CLASP2: variants seen among roughly 807,000 people sequenced by gnomAD.
CLASP2 encodes the protein cytoplasmic linker associated protein 2.
In CLASP2, 47 loss-of-function variants were observed where a neutral mutation model predicts 194.4. That is an observed-to-expected ratio of 0.24 (90% CI 0.19 to 0.31). CLASP2 has a LOEUF of 0.31. CLASP2 is among the 10% of genes least tolerant of loss of function. The pLI is 1.00. For synonymous variants in CLASP2, 619 were observed against 633.5 expected (o/e 0.98, Z 0.34); for missense variants, 1,445 against 1,823.6 (o/e 0.79, Z 3.78).
At chr3:33,555,197 T>A (rs1346276462) in intron 29 of CLASP2, among the ~76,000 whole-genome samples, 3 of 152,116 alleles carry the variant, frequency 2.0e-5, no homozygotes, top group Non-Finnish European at 4.4e-5. Context: ...ATATATAGAA[T>A]TTTTACTTGT....
intron 7 of CLASP2, 120 bp downstream of exon 7, chr3:33,663,325 C>A: frequency 1.9e-6 from 1 of 534,798 alleles, no homozygotes; most frequent in Non-Finnish European, 3.1e-6. Flanking sequence ...GTTATTATAT[C>A]TCAACTAAGT....
At chr3:33,638,207 GGGTGATGAGAGAGGCAA>G (rs2080542603) in intron 8 of CLASP2, among the ~76,000 whole-genome samples, 1 of 152,168 alleles carries the variant, frequency 6.6e-6, no homozygotes, top group Non-Finnish European at 1.5e-5. Flanking sequence ...TTACACCTCA[GGGTGATGAGAGAGGCAA>G]GATGTTATTA....
chr3:33,536,305 G>C (rs538755881), intron 33 of CLASP2, among the ~76,000 whole-genome samples: 4 of 151,736 alleles, frequency 2.6e-5, no homozygotes, highest in African/African-American at 9.7e-5. Context: ...CATGTTAGAA[G>C]AAGGAATCAT....
At chr3:33,634,003 C>A (rs1463213918) in intron 8 of CLASP2, among the ~76,000 whole-genome samples, 1 of 152,000 alleles carries the variant, frequency 6.6e-6, no homozygotes, top group Non-Finnish European at 1.5e-5. Flanking sequence ...TCAGGATGTG[C>A]AACATAACCC....
Position 33,544,716 on chromosome 3 carries a change from G to A in CLASP2, c.3279C>T (p.Asn1093=). The A allele has an allele frequency of 6.2e-7, 1 of 1,612,150 alleles. No individual in the cohort carries two copies. Among genetic ancestry groups the A allele is most frequent in the South Asian group, 1.1e-5 (1 of 90,576 alleles). ...CAATTACCTGGGTTCCATTGCCAGT[G>A]TTTCGAAGGTGATTATGAAGAAGCT... ...ATKLLHNHLR[N]TGNGTQSSMG... Residue 1093 remains asparagine (N), a synonymous_variant, in exon 31 of 39, where the codon AAC becomes AAT. Transcript: ENST00000682230.
At chr3:33,615,900 G>A (rs1376723403) in intron 12 of CLASP2, among the ~76,000 whole-genome samples, 1 of 151,686 alleles carries the variant, frequency 6.6e-6, no homozygotes, top group Non-Finnish European at 1.5e-5. Context: ...AATAAAACAT[G>A]GTAAATTTAA....
At chr3:33,616,605 A>C (rs554467996) in intron 12 of CLASP2, among the ~76,000 whole-genome samples, 1 of 152,258 alleles carries the variant, frequency 6.6e-6, no homozygotes, top group East Asian at 1.9e-4. Context: ...TGTGAACAGC[A>C]GGAAATTTCC....
chr3:33,639,953 T>C (rs1226230742), intron 8 of CLASP2, among the ~76,000 whole-genome samples: 1 of 152,228 alleles, frequency 6.6e-6, no homozygotes, highest in Non-Finnish European at 1.5e-5. Context: ...TGGTTACTAA[T>C]AACCATGTGA....
intron 6 of CLASP2, among the ~76,000 whole-genome samples, chr3:33,682,597 C>T (rs1388059324): frequency 3.3e-5 from 5 of 151,974 alleles, no homozygotes; most frequent in Non-Finnish European, 7.4e-5. Flanking sequence ...ATACAAATAT[C>T]CTTAATAAAA....
chr3:33,561,007 A>C, intron 27 of CLASP2, 36 bp from the exon 28 acceptor site: 1 of 1,581,364 alleles, frequency 6.3e-7, no homozygotes, highest in Non-Finnish European at 8.7e-7. Flanking sequence ...GGGAGAAAAA[A>C]AGAGGAAATA....
intron 34 of CLASP2, among the ~76,000 whole-genome samples, chr3:33,521,326 G>T (rs1268557064): frequency 6.6e-6 from 1 of 151,922 alleles, no homozygotes; most frequent in Non-Finnish European, 1.5e-5. Flanking sequence ...ATTACAAAAA[G>T]AAAAAGTAAT....
chr3:33,543,110 C>G (rs543058632), intron 32 of CLASP2, among the ~76,000 whole-genome samples: 2 of 152,158 alleles, frequency 1.3e-5, no homozygotes, highest in Non-Finnish European at 2.9e-5. Flanking sequence ...TGGTACCTCA[C>G]GCCTGTAATC....
intron 28 of CLASP2, among the ~76,000 whole-genome samples, chr3:33,559,817 C>T (rs2061518565): frequency 6.6e-6 from 1 of 152,154 alleles, no homozygotes; most frequent in Middle Eastern, 3.4e-3. Context: ...TCGCTTGAAC[C>T]CAGGAGGCAG....
intron 37 of CLASP2, among the ~76,000 whole-genome samples, chr3:33,507,020 C>T (rs1023729929): frequency 6.6e-6 from 1 of 150,690 alleles, no homozygotes; most frequent in Non-Finnish European, 1.5e-5. Flanking sequence ...CTCACTGCAA[C>T]CTCTGCCTCC....
chr3:33,612,210 A>G, intron 12 of CLASP2, 139 bp from the exon 13 acceptor site: 3 of 615,086 alleles, frequency 4.9e-6, no homozygotes, highest in Non-Finnish European at 8.5e-6. Context: ...AGAAATTAAG[A>G]CCAGTCTTGA....
At chr3:33,663,564 G>C (rs1391088390) in intron 6 of CLASP2, 49 bp from the exon 7 acceptor site, 2 of 1,282,142 alleles carry the variant, frequency 1.6e-6, no homozygotes, top group African/African-American at 1.5e-5. Flanking sequence ...AAAACATATA[G>C]ATTAAATAGA....
intron 20 of CLASP2, 109 bp from the exon 21 acceptor site, chr3:33,592,605 G>A (rs754657618): frequency 2.4e-6 from 2 of 845,986 alleles, no homozygotes; most frequent in South Asian, 1.5e-5. Context: ...CTGTAATAAT[G>A]TAATCATCAA....
rs1453110817 is a variant in CLASP2 at position 33,662,914 on chromosome 3, T to C, written c.715+531A>G. ...AATCAAATCAATACCAGATATTAAC[T>C]CCAGACCTCCCTGAATTCCAACTTG... On this transcript the variant is annotated intron_variant, in intron 7 of 38. Transcript: ENST00000682230. Among the ~76,000 whole-genome samples the C allele has an allele frequency of 2.0e-5, 3 of 151,984 alleles. No individual in the cohort carries two copies. The East Asian group carries it at 5.8e-4, about 29-fold the overall frequency.
rs768908918 is a variant in CLASP2, at chr3:33,696,871, T to G, written c.258A>C (p.Lys86Asn). 1 of 1,591,646 alleles carries G rather than the reference T, an allele frequency of 6.3e-7. No homozygotes were observed. The highest frequency in any genetic ancestry group is 8.6e-7 in the Non-Finnish European group (1 of 1,166,386). ...TTAACTTACCCATTGCTACATAGGATTTAAAGCGTGTTGATAATCTGTCCA... is the reference window on the plus strand; with the variant it reads ...TTAACTTACCCATTGCTACATAGGAGTTAAAGCGTGTTGATAATCTGTCCA... ...AFVDRLSTRF[K>N]SYVAMVIVAL... Residue 86 changes from lysine to asparagine, a missense_variant, in exon 2 of 39, where the codon AAA becomes AAC. This residue lies in a region of CLASP2 where 332 missense variants were observed against 325.3 expected (regional missense o/e 1.02). Transcript: ENST00000682230.
Sources: allele counts gnomAD v4.1 joint callset (sites outside exome capture counted in the v4.1 genomes callset), GRCh38; gene constraint gnomAD v4.1.1; regional missense constraint gnomAD v4.1.1; transcripts MANE v1.5; gene names NCBI Gene and HGNC (gene_info 2026-07-23, HGNC 2026-07-21).